L3MBTL4: variants seen among roughly 807,000 people sequenced by gnomAD.
L3MBTL4 encodes lethal(3)malignant brain tumor-like protein 4.
A neutral mutation model predicts 84.5 loss-of-function variants in L3MBTL4; 70 were observed. The ratio of observed to expected loss-of-function variants is 0.83; its 90% CI spans 0.68 to 1.01. The LOEUF is 1.01. Among genes scored for constraint, L3MBTL4 ranks in the 50% least tolerant of loss-of-function variants. The probability of loss-of-function intolerance (pLI) is 0.00; values close to 1 mark genes in which losing one functional copy is unlikely to be tolerated. For missense variants in L3MBTL4, 715 were observed against 754.8 expected (o/e 0.95, Z 0.62); for synonymous variants, 274 against 259.8 (o/e 1.05, Z -0.52).
At position 6,239,726 on chromosome 18, in the gene L3MBTL4, G is replaced by C. The variant is rs375609451; in HGVS notation, c.699C>G (p.Tyr233Ter). The C allele has an allele frequency of 1.2e-6, 2 of 1,613,232 alleles. No individual in the cohort carries two copies. The highest frequency in any genetic ancestry group is 1.7e-6 in the Non-Finnish European group (2 of 1,179,792). Residue 233 changes from tyrosine to a stop codon, truncating the protein, a stop_gained, in exon 9 of 19, where the codon TAC becomes TAG. Coordinates refer to ENST00000317931, the MANE Select transcript of L3MBTL4 (RefSeq NM_001330559.2). LOFTEE classifies it high-confidence loss of function. ...ACACATTCATATCTCACCAGTAATC[G>C]TAACTATCATCCCAGTTGTCAAAAT... ...LVHFDNWDDS[Y>*]DYWCDVNSPY...
chr18:6,071,837 AG>A lies in L3MBTL4; in HGVS notation c.1444+9043del, dbSNP rs1568067429. On this transcript the variant is annotated intron_variant, in intron 16 of 18. Transcript: ENST00000317931. ...AAAGGAAAGAAAGAAAGAAAGAAAG[AG>A]AAAGAGAGAGAGGGAGGGAGGGAGG... 2.3e-4 allele frequency among the ~76,000 whole-genome samples: 26 copies of A among 113,416 alleles called. 2 individuals are homozygous for A. The highest frequency in any genetic ancestry group is 1.0e-3 in the Admixed American group (10 of 10,022). 74.4% of individuals were successfully genotyped at this position (113,416 alleles called of 152,430 possible).
At chr18:6,088,113 AG>A (rs2058319111) in intron 15 of L3MBTL4, among the ~76,000 whole-genome samples, 1 of 152,254 alleles carries the variant, frequency 6.6e-6, no homozygotes, top group African/African-American at 2.4e-5. Flanking sequence ...ACTATTAAAA[AG>A]GTACATGCAG....
intron 12 of L3MBTL4, among the ~76,000 whole-genome samples, chr18:6,175,240 A>T (rs1346861830): frequency 6.6e-6 from 1 of 152,190 alleles, no homozygotes; most frequent in Non-Finnish European, 1.5e-5. Context: ...CCACCTTCTC[A>T]CCAGAAACAG....
chr18:5,998,982 A>T (rs2054100891), intron 16 of L3MBTL4, among the ~76,000 whole-genome samples: 3 of 152,184 alleles, frequency 2.0e-5, no homozygotes, highest in Non-Finnish European at 2.9e-5. Context: ...ATGACAAACA[A>T]ACCAGATACT....
chr18:6,057,752 A>G (rs2057076381), intron 16 of L3MBTL4, among the ~76,000 whole-genome samples: 1 of 152,218 alleles, frequency 6.6e-6, no homozygotes, highest in Non-Finnish European at 1.5e-5. Flanking sequence ...GTCTGTGCTA[A>G]TAAATAAAGT....
intron 1 of L3MBTL4, among the ~76,000 whole-genome samples, chr18:6,392,274 C>T (rs375141971): frequency 9.9e-5 from 15 of 152,232 alleles, no homozygotes; most frequent in East Asian, 7.7e-4. Context: ...TGGAGCCAGG[C>T]GCAGTGGCTT....
At chr18:6,160,946 T>G (rs2043312038) in intron 13 of L3MBTL4, among the ~76,000 whole-genome samples, 1 of 152,098 alleles carries the variant, frequency 6.6e-6, no homozygotes, top group Non-Finnish European at 1.5e-5. Flanking sequence ...TAAAGAAAAT[T>G]TACATCAAGT....
chr18:6,194,735 C>G (rs963805177), intron 12 of L3MBTL4, among the ~76,000 whole-genome samples: 1 of 152,174 alleles, frequency 6.6e-6, no homozygotes. Context: ...GGAGTACAGA[C>G]AAGAAACCAG....
At chr18:6,105,578 C>G (rs112956455) in intron 14 of L3MBTL4, among the ~76,000 whole-genome samples, 4,088 of 151,750 alleles carry the variant, frequency 0.027, 177 homozygotes, top group African/African-American at 0.094. Flanking sequence ...GCAGGCAGAT[C>G]TCCTGAGGTC....
chr18:6,155,883 A>G (rs555199904), intron 13 of L3MBTL4, among the ~76,000 whole-genome samples: 9 of 152,322 alleles, frequency 5.9e-5, no homozygotes, highest in African/African-American at 1.9e-4. Flanking sequence ...TACATTAAAA[A>G]TACTTGACTC....
At chr18:6,098,294 T>C (rs958964485) in intron 14 of L3MBTL4, among the ~76,000 whole-genome samples, 1 of 152,176 alleles carries the variant, frequency 6.6e-6, no homozygotes, top group Non-Finnish European at 1.5e-5. Flanking sequence ...TGTGTGCGGC[T>C]ACACCCTCAG....
chr18:6,409,594 GT>G (rs2055882023), intron 1 of L3MBTL4, among the ~76,000 whole-genome samples: 2 of 152,182 alleles, frequency 1.3e-5, no homozygotes, highest in Non-Finnish European at 2.9e-5. Context: ...TTGGGTGCAT[GT>G]GCCCATGTAC....
chr18:6,164,797 G>C (rs1461497155), intron 13 of L3MBTL4, among the ~76,000 whole-genome samples: 1 of 152,238 alleles, frequency 6.6e-6, no homozygotes, highest in Non-Finnish European at 1.5e-5. Flanking sequence ...AAGGAACGCA[G>C]CTCCTCACCA....
rs548637558 is a variant in L3MBTL4, at chr18:6,404,850, T to C, written c.-91+9951A>G. ...ACAGGTACATGCCATCGTGCCTGGA[T>C]AATTTTTTTTTTTTTTTTGAAGAGA... On this transcript the variant is annotated intron_variant, in intron 1 of 18. Coordinates refer to ENST00000317931, the MANE Select transcript of L3MBTL4 (RefSeq NM_001330559.2). Among the ~76,000 whole-genome samples, 636 of 150,980 alleles carry C rather than the reference T, an allele frequency of 4.2e-3. 1 individual carries two copies. The highest frequency in any genetic ancestry group is 7.2e-3 in the Non-Finnish European group (486 of 67,744).
At chr18:6,376,092 C>T (rs1035607337) in intron 1 of L3MBTL4, among the ~76,000 whole-genome samples, 2 of 152,142 alleles carry the variant, frequency 1.3e-5, no homozygotes, top group Non-Finnish European at 1.5e-5. Flanking sequence ...TCAAGCTCTC[C>T]GACCCCACTG....
At chr18:6,399,990 A>G (rs2144636017) in intron 1 of L3MBTL4, 1 of 152,326 alleles carries the variant, frequency 6.6e-6, no homozygotes, top group Admixed American at 6.5e-5. Flanking sequence ...ATATCAGGAC[A>G]TGTTTAAAAA....
intron 16 of L3MBTL4, among the ~76,000 whole-genome samples, chr18:6,052,478 T>G (rs2056874197): frequency 6.6e-6 from 1 of 152,234 alleles, no homozygotes; most frequent in South Asian, 2.1e-4. Context: ...GTAATAACTA[T>G]GAATCAGTAC....
At chr18:6,256,929 TA>T (rs1278862815) in intron 5 of L3MBTL4, 2 of 152,018 alleles carry the variant, frequency 1.3e-5, no homozygotes, top group African/African-American at 4.8e-5. Flanking sequence ...GTGTTCTGAA[TA>T]AACAGGGGGT....
intron 4 of L3MBTL4, among the ~76,000 whole-genome samples, chr18:6,290,766 G>C (rs1457507734): frequency 6.6e-6 from 1 of 151,972 alleles, no homozygotes; most frequent in East Asian, 1.9e-4. Context: ...GACCTCAGGT[G>C]ATCCACCCGT....
Sources: gnomAD v4.1 joint callset for allele counts (sites outside exome capture counted in the v4.1 genomes callset) on GRCh38, gnomAD v4.1.1 for gene constraint, MANE v1.5 for transcripts, NCBI Gene and HGNC (gene_info 2026-07-23, HGNC 2026-07-21) for gene names.